PASK: variants seen among roughly 807,000 people sequenced by gnomAD.
The protein encoded by PASK is PAS domain-containing serine/threonine-protein kinase.
Under a neutral mutation model 121.0 loss-of-function variants are expected in PASK, and 110 were observed. That is an observed-to-expected ratio of 0.91 (90% CI 0.78 to 1.06). The LOEUF (loss-of-function observed/expected upper bound fraction) is 1.06. PASK is among the 50% of genes least tolerant of loss of function. The pLI is 0.00. For missense variants in PASK, 1,643 were observed against 1,702.3 expected, an observed-to-expected ratio of 0.97 and a Z score of 0.61; for synonymous variants, 686 against 717.8, an observed-to-expected ratio of 0.96 and a Z score of 0.71.
At position 241,143,222 on chromosome 2, in the gene PASK, A is replaced by G. The variant is rs1159916692; in HGVS notation, c.-42-148T>C. Reference sequence around the variant, plus strand: ...CTGGGTCAGAACCCGCAATGGGAGAATGGTCCACCCAAAGTGGTGCTAAAA... The same window carrying G: ...CTGGGTCAGAACCCGCAATGGGAGAGTGGTCCACCCAAAGTGGTGCTAAAA... On this transcript the variant is annotated intron_variant, in intron 1 of 17. Coordinates refer to ENST00000234040, the MANE Select transcript of PASK (RefSeq NM_015148.4). The G allele has an allele frequency of 4.6e-6, 3 of 648,122 alleles. No homozygotes were observed. In the East Asian group the frequency reaches 8.2e-5, roughly 18 times the overall value. The allele number at this position is 648,122 out of a possible 1,614,324, so 40.1% of individuals were successfully genotyped here. A position where few individuals can be genotyped will look rare whatever the true frequency, so the allele number is the denominator to read the frequency against.
intron 12 of PASK, among the ~76,000 whole-genome samples, chr2:241,122,246 GA>G (rs956236872): frequency 3.9e-5 from 6 of 151,942 alleles, no homozygotes; most frequent in South Asian, 4.2e-4. Context: ...AAAAAATAAT[GA>G]AAAAAATTTT....
chr2:241,116,196 A>G (rs7569916), intron 12 of PASK, among the ~76,000 whole-genome samples: 29,985 of 146,532 alleles, frequency 0.2, 6,169 homozygotes, highest in East Asian at 0.45. Flanking sequence ...ATCCCATTAC[A>G]CCAGGGCCAC....
intron 11 of PASK, among the ~76,000 whole-genome samples, chr2:241,123,410 C>T (rs182435248): frequency 0.042 from 6,429 of 152,068 alleles, 173 homozygotes; most frequent in Middle Eastern, 0.11. Flanking sequence ...GATCTCCTGA[C>T]CTCGTGATCC....
At chr2:241,149,349 G>C (rs750160787) in intron 1 of PASK, 65 bp downstream of exon 1, 2 of 293,588 alleles carry the variant, frequency 6.8e-6, no homozygotes, top group African/African-American at 2.2e-5. Flanking sequence ...GAGCCGCGCA[G>C]GCCCCACAGC....
chr2:241,110,789 A>AGCCCACCAGC (rs1559354731), intron 15 of PASK, among the ~76,000 whole-genome samples: 2 of 152,238 alleles, frequency 1.3e-5, no homozygotes, highest in Non-Finnish European at 1.5e-5. Context: ...GGGCAGGCAG[A>AGCCCACCAGC]GCCCACCAGC....
chr2:241,125,503 G>A (rs1278806111), intron 10 of PASK, among the ~76,000 whole-genome samples: 1 of 151,260 alleles, frequency 6.6e-6, no homozygotes, highest in Non-Finnish European at 1.5e-5. Flanking sequence ...GGGAGGCTGA[G>A]GCAGGAGAAT....
At chr2:241,110,907 C>T (rs1413102197) in intron 15 of PASK, among the ~76,000 whole-genome samples, 1 of 152,200 alleles carries the variant, frequency 6.6e-6, no homozygotes, top group Non-Finnish European at 1.5e-5. Flanking sequence ...TCTGAAGATG[C>T]ATGGAGGTTC....
In PASK at chr2:241,138,055, A is replaced by T. The variant is rs1481273809; in HGVS notation, c.774T>A (p.Ala258=). 6.2e-7 allele frequency: 1 copy of T among 1,614,088 alleles called. No individual in the cohort carries two copies. The highest frequency in any genetic ancestry group is 2.2e-5 in the East Asian group (1 of 44,896). ...GTVTSCDSLF[A]HLHGYVSGED... ...CCCCAGACACGTACCCGTGAAGATG[A>T]GCAAAGAGACTGTCACATGACGTGA... is the stretch of plus-strand genomic sequence containing the variant. The change falls in exon 6 of 18, where the codon GCT becomes GCA. Residue 258 remains alanine, a synonymous_variant. Transcript: ENST00000234040.
At chr2:241,133,375 G>A (rs932483144) in intron 8 of PASK, 1 of 384,562 alleles carries the variant, frequency 2.6e-6, no homozygotes. Context: ...ACTCCTCCAG[G>A]TCTCTCCACC....
In PASK at chr2:241,108,748, C is replaced by T. The variant is rs1329278577; in HGVS notation, c.3534-448G>A. On this transcript the variant is annotated intron_variant, in intron 15 of 17. Coordinates refer to ENST00000234040, the MANE Select transcript of PASK (RefSeq NM_015148.4). This position sits in a 1 kb window ranked among gnomAD's most constrained non-coding sequence, Gnocchi z 5.2. ...TGAACGGGCTTGGTGTGACCATGGA[C>T]ACACATGCCCTTTAGGAAGATGGCT... 2 of 300,016 alleles carry T rather than the reference C, an allele frequency of 6.7e-6. No homozygotes were observed. Among genetic ancestry groups the T allele is most frequent in the East Asian group, 8.4e-5 (1 of 11,954 alleles). 18.6% of individuals were successfully genotyped at this position (300,016 alleles called of 1,614,324 possible).
intron 1 of PASK, among the ~76,000 whole-genome samples, chr2:241,145,255 T>C (rs2066901434): frequency 6.6e-6 from 1 of 152,178 alleles, no homozygotes; most frequent in Admixed American, 6.5e-5. Context: ...GCCATCTTTT[T>C]TTTTAACTAG....
rs779917706 is a variant in PASK, at chr2:241,140,656, C to A, written c.294G>T (p.Pro98=). The change falls in exon 3 of 18, where the codon CCG becomes CCT. Residue 98 remains proline, a synonymous_variant. Coordinates refer to ENST00000234040, the MANE Select transcript of PASK (RefSeq NM_015148.4). The stretch of plus-strand genomic sequence containing the variant: ...AGGACACACTGCCCCGCGGTTCGGA[C>A]GGGTCCGTGTGCTCAGGGGCAGCAG... ...HCPAAPEHTD[P]SEPRGSVSCC... The A allele has an allele frequency of 3.1e-6, 5 of 1,614,070 alleles. No individual in the cohort carries two copies. Among genetic ancestry groups the A allele is most frequent in the Non-Finnish European group, 4.2e-6 (5 of 1,179,924 alleles).
At position 241,108,108 on chromosome 2, in the gene PASK, A is replaced by G; in HGVS notation, c.3667+59T>C. 1.3e-6 allele frequency: 2 copies of G among 1,582,180 alleles called. No homozygotes were observed. Among genetic ancestry groups the G allele is most frequent in the Non-Finnish European group, 1.7e-6 (2 of 1,151,124 alleles). ...ACTGAGGAATGAGGAAATGGGAAAA[A>G]AAAGTGGCTGGTCTCTAAGGACAGT... On this transcript the variant is annotated intron_variant, in intron 16 of 17. Coordinates refer to ENST00000234040, the MANE Select transcript of PASK (RefSeq NM_015148.4). This position sits in a 1 kb window ranked among gnomAD's most constrained non-coding sequence, Gnocchi z 5.2.
At chr2:241,120,534 C>T (rs1027315684) in intron 12 of PASK, among the ~76,000 whole-genome samples, 3 of 152,034 alleles carry the variant, frequency 2.0e-5, no homozygotes, top group Non-Finnish European at 2.9e-5. Flanking sequence ...ACAGACATTT[C>T]TCCAAAGAAG....
At chr2:241,137,341 C>T (rs2066482927) in intron 6 of PASK, 77 bp from the exon 7 acceptor site, 6 of 1,162,828 alleles carry the variant, frequency 5.2e-6, no homozygotes, top group South Asian at 1.2e-5. Context: ...GCGTCCGACC[C>T]GACTTCTACC....
chr2:241,109,764 A>C (rs935638789), intron 15 of PASK: 1 of 152,272 alleles, frequency 6.6e-6, no homozygotes, highest in African/African-American at 2.4e-5. Context: ...TTTTAGAGAG[A>C]TTTCAAGATG....
At chr2:241,124,285 G>A in intron 10 of PASK, 152 bp from the exon 11 acceptor site, 1 of 696,944 alleles carries the variant, frequency 1.4e-6, no homozygotes, top group South Asian at 1.8e-5. Flanking sequence ...AGACCAGAGA[G>A]CAGCCCAGGC....
chr2:241,137,903 G>A, intron 6 of PASK, 50 bp downstream of exon 6: 2 of 1,604,678 alleles, frequency 1.2e-6, no homozygotes, highest in Admixed American at 3.3e-5. Context: ...TATGGATTCA[G>A]AGCTAAGAAC....
Position 241,139,873 on chromosome 2 carries a change from G to C in PASK, c.600+12C>G, listed in dbSNP as rs549415796. ...TGAGGCCAGACTGAACGCTGCACCC[G>C]CATCCACTCACCACCGTGCCAAACA... On this transcript the variant is annotated intron_variant, in intron 4 of 17. Transcript: ENST00000234040. 1 of 1,613,020 alleles carries C rather than the reference G, an allele frequency of 6.2e-7. No homozygotes were observed. Among genetic ancestry groups the C allele is most frequent in the South Asian group, 1.1e-5 (1 of 91,048 alleles).
Sources: gnomAD v4.1 joint callset for allele counts (sites outside exome capture counted in the v4.1 genomes callset) on GRCh38, gnomAD v4.1.1 for gene constraint, Gnocchi (gnomAD v3.1) non-coding constraint, MANE v1.5 for transcripts, NCBI Gene and HGNC (gene_info 2026-07-23, HGNC 2026-07-21) for gene names.